The following CIP2A variants were observed in gnomAD, a reference collection of about 807,000 sequenced individuals.
CIP2A encodes protein CIP2A.
Under a neutral mutation model 110.9 loss-of-function variants are expected in CIP2A, and 103 were observed. That is an observed-to-expected ratio of 0.93 (90% confidence interval 0.79 to 1.09). The LOEUF is 1.09. Among genes scored for constraint, CIP2A ranks in the 50% least tolerant of loss-of-function variants. The pLI is 0.00. For missense variants in CIP2A, 1,088 were observed against 1,038.4 expected, an observed-to-expected ratio of 1.05 and a Z score of -0.66; for synonymous variants, 381 against 361.6, an observed-to-expected ratio of 1.05 and a Z score of -0.61.
At chr3:108,573,666 T>G (rs1167706231) in intron 8 of CIP2A, among the ~76,000 whole-genome samples, 1 of 152,022 alleles carries the variant, frequency 6.6e-6, no homozygotes, top group Non-Finnish European at 1.5e-5. Context: ...TAAGATCCAT[T>G]TAGATACTAA....
rs150480320 is a variant in CIP2A at position 108,560,735 on chromosome 3, T to C, written c.1741A>G (p.Ile581Val). ...TTCAAATGAGGAGTTAAACACTTTA[T>C]TGATGTTGGAAAACTGTGATTTGAT... ...QSSNHSFPTS[I>V]KCLTPHLKDG... The change falls in exon 14 of 21, where the codon ATA (isoleucine) becomes GTA (valine). Residue 581 changes from isoleucine (I) to valine (V), a missense_variant. Physicochemically the swap from Ile to Val is conservative, Grantham distance 29. Coordinates refer to ENST00000295746, the MANE Select transcript of CIP2A (RefSeq NM_020890.3). 3.7e-5 allele frequency: 60 copies of C among 1,612,160 alleles called. No individual in the cohort carries two copies. The highest frequency in any genetic ancestry group is 4.9e-5 in the Non-Finnish European group (58 of 1,178,568).
intron 17 of CIP2A, among the ~76,000 whole-genome samples, chr3:108,556,085 T>C (rs1005239513): frequency 2.6e-5 from 4 of 152,216 alleles, no homozygotes; most frequent in African/African-American, 9.6e-5. Flanking sequence ...TTATCACTAA[T>C]ACTACACTTT....
Position 108,559,870 on chromosome 3 carries a change from A to G in CIP2A, c.1903-3T>C, listed in dbSNP as rs199863584. 3 of 1,601,688 alleles carry G rather than the reference A, an allele frequency of 1.9e-6. No homozygotes were observed. The highest frequency in any genetic ancestry group is 2.6e-6 in the Non-Finnish European group (3 of 1,170,832). Reference sequence around the variant, plus strand: ...TCTTGTAGCCTGCTTTCTTTGGACTACAAGAAAACATATCATTAATTTTCA... The same window carrying G: ...TCTTGTAGCCTGCTTTCTTTGGACTGCAAGAAAACATATCATTAATTTTCA... On this transcript the variant is annotated splice_region_variant and splice_polypyrimidine_tract_variant and intron_variant, in intron 15 of 20. Transcript: ENST00000295746.
At position 108,552,350 on chromosome 3, in the gene CIP2A, G is replaced by C. The variant is rs1405623072; in HGVS notation, c.2431C>G (p.Gln811Glu). ...LANLHQKTKVQEEKIKTLQKE... is the reference protein window; with the variant it reads ...LANLHQKTKVEEEKIKTLQKE... ...TGTAAGGTTTTAATCTTTTCTTCTT[G>C]TACTTTTGTTTTTTGATGCAAATCT... Residue 811 changes from glutamine (Q) to glutamate (E), a missense_variant, in exon 20 of 21, where the codon CAA becomes GAA. Gln to Glu is a conservative substitution (Grantham distance 29, BLOSUM62 2). Coordinates refer to ENST00000295746, the MANE Select transcript of CIP2A (RefSeq NM_020890.3). The C allele has an allele frequency of 2.6e-6, 4 of 1,531,186 alleles. No individual in the cohort carries two copies. The highest frequency in any genetic ancestry group is 2.3e-5 in the East Asian group (1 of 42,964). 94.8% of individuals were successfully genotyped at this position (1,531,186 alleles called of 1,614,324 possible). A position where few individuals can be genotyped will look rare whatever the true frequency, so the allele number is the denominator to read the frequency against.
Position 108,575,617 on chromosome 3 carries a change from T to C in CIP2A, c.894+654A>G, listed in dbSNP as rs1247047115. ...ATACGTGTATATATACTCATATACATGTGTATATATACGTGTATATATACT... is the reference window on the plus strand; with the variant it reads ...ATACGTGTATATATACTCATATACACGTGTATATATACGTGTATATATACT... On this transcript the variant is annotated intron_variant, in intron 8 of 20. Coordinates refer to ENST00000295746, the MANE Select transcript of CIP2A (RefSeq NM_020890.3). 3.5e-5 allele frequency among the ~76,000 whole-genome samples: 5 copies of C among 144,182 alleles called. 1 individual carries two copies. The highest frequency in any genetic ancestry group is 1.3e-4 in the African/African-American group (5 of 38,120). 94.6% of individuals were successfully genotyped at this position (144,182 alleles called of 152,430 possible). A position where few individuals can be genotyped will look rare whatever the true frequency, so the allele number is the denominator to read the frequency against.
rs187662322 is a variant in CIP2A, at chr3:108,559,175, G to A, written c.2013+582C>T. 4.4e-3 allele frequency among the ~76,000 whole-genome samples: 666 copies of A among 152,174 alleles called. 1 individual carries two copies. Among genetic ancestry groups the A allele is most frequent in the Non-Finnish European group, 7.6e-3 (518 of 67,994 alleles). On this transcript the variant is annotated intron_variant, in intron 16 of 20. Transcript: ENST00000295746. The stretch of plus-strand genomic sequence containing the variant: ...CAAATAGTGGTAGAAGCAGAGATAG[G>A]GCAGAAAAGAGTAATATTTAGAAGG...
At position 108,557,398 on chromosome 3, in the gene CIP2A, C is replaced by G. The variant is rs759803214; in HGVS notation, c.2030G>C (p.Ser677Thr). The G allele has an allele frequency of 2.5e-6, 4 of 1,598,036 alleles. No homozygotes were observed. Among genetic ancestry groups the G allele is most frequent in the African/African-American group, 1.3e-5 (1 of 74,074 alleles). The change falls in exon 17 of 21, where the codon AGT (serine) becomes ACT (threonine). Residue 677 changes from serine to threonine, a missense_variant. By Grantham distance (58) the Ser-to-Thr change is moderately conservative. Transcript: ENST00000295746. ...QAETEARTLA[S>T]MLREVERKNE... is the part of the protein sequence containing the mutation. ...TTTTCTCTCAACTTCTCTCAACATA[C>G]TAGCAAGTGTCCGTGCCTCAAAAAA...
intron 10 of CIP2A, 156 bp from the exon 11 acceptor site, chr3:108,566,794 A>G (rs1938203710): frequency 1.4e-5 from 7 of 514,232 alleles, no homozygotes; most frequent in Non-Finnish European, 2.0e-5. Context: ...AAACTCACAC[A>G]ATTTAAATGA....
rs2107302064 is a variant in CIP2A, at chr3:108,550,765, T to C, written c.*384A>G. On this transcript the variant is annotated 3_prime_UTR_variant, in exon 21 of 21. Transcript: ENST00000295746. ...ATTTTTATTTTGTAATCTTTAGGAC[T>C]GTTATACCAAGAAAGTTTGGTCTTA... The C allele has an allele frequency of 6.6e-6, 1 of 152,612 alleles. No individual in the cohort carries two copies. The highest frequency in any genetic ancestry group is 2.4e-5 in the African/African-American group (1 of 41,568). The allele number at this position is 152,612 out of a possible 1,614,324, so 9.5% of individuals were successfully genotyped here. A position where few individuals can be genotyped will look rare whatever the true frequency, so the allele number is the denominator to read the frequency against.
intron 1 of CIP2A, chr3:108,585,546 T>C (rs1435406927): frequency 5.2e-6 from 2 of 386,660 alleles, no homozygotes; most frequent in African/African-American, 2.1e-5. Context: ...AACTTTTGAG[T>C]TCCTAGCAAT....
rs2083884114 is a variant in CIP2A, at chr3:108,550,543, CAAT to C, written c.*603_*605del. 1 of 151,372 alleles carries C rather than the reference CAAT, an allele frequency of 6.6e-6. No homozygotes were observed. Among genetic ancestry groups the C allele is most frequent in the Admixed American group, 6.6e-5 (1 of 15,208 alleles). 9.4% of individuals were successfully genotyped at this position (151,372 alleles called of 1,614,324 possible). A position where few individuals can be genotyped will look rare whatever the true frequency, so the allele number is the denominator to read the frequency against. On this transcript the variant is annotated 3_prime_UTR_variant, in exon 21 of 21. Coordinates refer to ENST00000295746, the MANE Select transcript of CIP2A (RefSeq NM_020890.3). ...ATCATTTAAATGTAATAGTTTAACA[CAAT>C]GACAGTTTTCTAATTTTTATACATT...
intron 8 of CIP2A, among the ~76,000 whole-genome samples, chr3:108,570,822 A>G (rs1313628926): frequency 6.6e-6 from 1 of 152,138 alleles, no homozygotes; most frequent in Admixed American, 6.6e-5. Context: ...TCTCTAATAA[A>G]TTAACCTTAG....
At position 108,563,245 on chromosome 3, in the gene CIP2A, C is replaced by T; in HGVS notation, c.1516-1G>A. ...CCAAAGGAGTAATCAAACGTGGGTC[C>T]TAAATAAATCAGAAACCAAAAAAGA... On this transcript the variant is annotated splice_acceptor_variant, in intron 12 of 20. Transcript: ENST00000295746. LOFTEE classifies it high-confidence loss of function. The T allele has an allele frequency of 6.3e-7, 1 of 1,575,928 alleles. No homozygotes were observed. The highest frequency in any genetic ancestry group is 8.7e-7 in the Non-Finnish European group (1 of 1,147,264).
Position 108,581,861 on chromosome 3 carries a change from T to C in CIP2A, c.452+247A>G, listed in dbSNP as rs559410397. On this transcript the variant is annotated intron_variant, in intron 4 of 20. Transcript: ENST00000295746. ...CCAAATCAATTCAGTCCATAAATTT[T>C]TCTTATGAAAATTAAAGTTGCTTTA... Among the ~76,000 whole-genome samples, 196 of 152,324 alleles carry C rather than the reference T, an allele frequency of 1.3e-3. 7 individuals are homozygous for C. The highest frequency in any genetic ancestry group is 1.5e-3 in the Non-Finnish European group (99 of 68,020).
At chr3:108,560,142 T>G in intron 14 of CIP2A, 114 bp from the exon 15 acceptor site, 2 of 625,986 alleles carry the variant, frequency 3.2e-6, no homozygotes, top group Non-Finnish European at 5.6e-6. Context: ...AGTAACAAAA[T>G]AAAAACAAAT....
intron 7 of CIP2A, among the ~76,000 whole-genome samples, chr3:108,576,950 G>A (rs1214878867): frequency 6.6e-6 from 1 of 152,142 alleles, no homozygotes; most frequent in South Asian, 2.1e-4. Context: ...AAAATACAAT[G>A]CTATAATGGA....
chr3:108,572,769 T>C (rs1186927145), intron 8 of CIP2A, among the ~76,000 whole-genome samples: 1 of 152,100 alleles, frequency 6.6e-6, no homozygotes, highest in Non-Finnish European at 1.5e-5. Flanking sequence ...TAGTGAGTTT[T>C]ATTTCTTCCT....
rs1939234409 is a variant in CIP2A, at chr3:108,589,368, G to C, written c.8C>G (p.Ser3Cys). The C allele has an allele frequency of 6.2e-7, 1 of 1,612,706 alleles. No individual in the cohort carries two copies. Among genetic ancestry groups the C allele is most frequent in the Non-Finnish European group, 8.5e-7 (1 of 1,179,254 alleles). MD[S>C]TACLKSLLLT... ...GAGCAAGGACTTCAAGCAGGCAGTG[G>C]AGTCCATTGCACCGGCCGCGGCCCG... Residue 3 changes from serine (S) to cysteine (C), a missense_variant, in exon 1 of 21, where the codon TCC (serine) becomes TGC (cysteine). Coordinates refer to ENST00000295746, the MANE Select transcript of CIP2A (RefSeq NM_020890.3).
intron 2 of CIP2A, among the ~76,000 whole-genome samples, chr3:108,584,224 C>T (rs1938972907): frequency 1.3e-5 from 2 of 152,148 alleles, no homozygotes; most frequent in African/African-American, 4.8e-5. Flanking sequence ...GAATAAATTA[C>T]AGTACCCTGT....
Sources: gnomAD v4.1 joint callset for allele counts (sites outside exome capture counted in the v4.1 genomes callset) on GRCh38, gnomAD v4.1.1 for gene constraint, MANE v1.5 for transcripts, NCBI Gene and HGNC (gene_info 2026-07-23, HGNC 2026-07-21) for gene names.